ACER3: variants seen among roughly 807,000 people sequenced by gnomAD.
ACER3 encodes the protein alkaline ceramidase 3.
ACER3 carries 16 observed loss-of-function variants against 48.9 expected under a neutral mutation model. That is an observed-to-expected ratio of 0.33 (90% CI 0.22 to 0.50). The LOEUF is 0.50. Ranked by LOEUF, ACER3 falls within the 20% of genes least tolerant of loss-of-function variation. The pLI is 0.98. For synonymous variants in ACER3, 109 were observed against 107.8 expected (o/e 1.01, Z -0.07); for missense variants, 227 against 326.0 (o/e 0.70, Z 2.34).
intron 4 of ACER3, among the ~76,000 whole-genome samples, chr11:76,980,608 T>C (rs1591026312): frequency 6.6e-6 from 1 of 151,982 alleles, no homozygotes; most frequent in Admixed American, 6.6e-5. Flanking sequence ...CCCCAGGAGG[T>C]TGAGGTTGCA....
intron 2 of ACER3, among the ~76,000 whole-genome samples, chr11:76,941,663 T>C (rs1173074805): frequency 1.3e-5 from 2 of 152,066 alleles, no homozygotes; most frequent in African/African-American, 4.8e-5. Context: ...ATATGAACCT[T>C]AGAATAGGTT....
At chr11:76,936,250 G>A (rs1447500927) in intron 2 of ACER3, among the ~76,000 whole-genome samples, 1 of 152,084 alleles carries the variant, frequency 6.6e-6, no homozygotes, top group East Asian at 1.9e-4. Context: ...TTTTTAAAAA[G>A]TACAGAAATA....
intron 3 of ACER3, among the ~76,000 whole-genome samples, chr11:76,962,597 A>T (rs966543658): frequency 2.0e-5 from 3 of 151,502 alleles, no homozygotes; most frequent in Middle Eastern, 3.2e-3. Context: ...GGCTGGGGGA[A>T]GTCCCCAAAC....
intron 1 of ACER3, among the ~76,000 whole-genome samples, chr11:76,900,564 A>G (rs574858859): frequency 1.3e-5 from 2 of 152,140 alleles, no homozygotes; most frequent in Non-Finnish European, 2.9e-5. Context: ...TCATTTTCAT[A>G]ATCCCAGCAC....
At position 77,023,852 on chromosome 11, in the gene ACER3, T is replaced by C. The variant is rs1434531945; in HGVS notation, c.*3525T>C. The C allele has an allele frequency of 6.6e-6, 1 of 152,106 alleles. No homozygotes were observed. The highest frequency in any genetic ancestry group is 1.5e-5 in the Non-Finnish European group (1 of 68,114). 9.4% of individuals were successfully genotyped at this position (152,106 alleles called of 1,614,324 possible). ...ACTTTGGGAGGCCGAGGTGAGCAGATCACAAGGTCAGGAGATCGAGACCAT... is the reference window on the plus strand; with the variant it reads ...ACTTTGGGAGGCCGAGGTGAGCAGACCACAAGGTCAGGAGATCGAGACCAT... On this transcript the variant is annotated 3_prime_UTR_variant, in exon 11 of 11. Transcript: ENST00000532485.
chr11:76,887,740 T>C (rs1017464526), intron 1 of ACER3, among the ~76,000 whole-genome samples: 6 of 151,966 alleles, frequency 3.9e-5, no homozygotes, highest in Non-Finnish European at 5.9e-5. Context: ...AAACTTCTCT[T>C]ACATATCTAG....
At chr11:76,977,013 G>T (rs548350995) in intron 4 of ACER3, among the ~76,000 whole-genome samples, 1 of 152,286 alleles carries the variant, frequency 6.6e-6, no homozygotes, top group South Asian at 2.1e-4. Context: ...ATTAATAAAT[G>T]CTAATATGTA....
At chr11:76,927,904 A>G (rs1349119686) in intron 2 of ACER3, among the ~76,000 whole-genome samples, 1 of 152,172 alleles carries the variant, frequency 6.6e-6, no homozygotes, top group Non-Finnish European at 1.5e-5. Context: ...TATTGTGAAT[A>G]GTGCCGCAAT....
chr11:77,016,123 A>G (rs1401867191), intron 8 of ACER3, among the ~76,000 whole-genome samples: 1 of 151,808 alleles, frequency 6.6e-6, no homozygotes, highest in Non-Finnish European at 1.5e-5. Flanking sequence ...AAAAAAAAAA[A>G]AAAAAATTTG....
chr11:76,961,775 G>T (rs1948000611), intron 3 of ACER3, among the ~76,000 whole-genome samples: 1 of 146,978 alleles, frequency 6.8e-6, no homozygotes, highest in Non-Finnish European at 1.5e-5. Flanking sequence ...GTCCATACTA[G>T]ATAATAAATG....
At chr11:76,928,954 A>G (rs986849179) in intron 2 of ACER3, among the ~76,000 whole-genome samples, 2 of 152,020 alleles carry the variant, frequency 1.3e-5, no homozygotes, top group Non-Finnish European at 2.9e-5. Flanking sequence ...GCTCTTTTTT[A>G]GTTCCATATG....
intron 1 of ACER3, among the ~76,000 whole-genome samples, chr11:76,873,563 T>A (rs937550218): frequency 6.6e-6 from 1 of 152,224 alleles, no homozygotes; most frequent in Non-Finnish European, 1.5e-5. Flanking sequence ...TATTTTCTCT[T>A]AGTACCTTTC....
At chr11:76,900,978 A>G (rs374042120) in intron 1 of ACER3, among the ~76,000 whole-genome samples, 13 of 152,290 alleles carry the variant, frequency 8.5e-5, no homozygotes, top group African/African-American at 2.9e-4. Context: ...ATTTTCTCCA[A>G]CAGGAATCTA....
At chr11:77,007,396 A>G (rs1949176759) in intron 7 of ACER3, among the ~76,000 whole-genome samples, 1 of 152,132 alleles carries the variant, frequency 6.6e-6, no homozygotes, top group Non-Finnish European at 1.5e-5. Flanking sequence ...AGGTACTCGT[A>G]GAAGTCTAGG....
intron 1 of ACER3, among the ~76,000 whole-genome samples, chr11:76,884,566 C>G (rs991852205): frequency 6.6e-6 from 1 of 152,074 alleles, no homozygotes; most frequent in Non-Finnish European, 1.5e-5. Flanking sequence ...ACAGGGGGAG[C>G]ATGTGAAGGT....
At chr11:77,007,251 T>G (rs1949171221) in intron 7 of ACER3, among the ~76,000 whole-genome samples, 1 of 151,764 alleles carries the variant, frequency 6.6e-6, no homozygotes, top group African/African-American at 2.4e-5. Flanking sequence ...AATTTAGAAG[T>G]TTTTTGCCAT....
At chr11:76,928,937 A>T (rs528826773) in intron 2 of ACER3, among the ~76,000 whole-genome samples, 1 of 152,162 alleles carries the variant, frequency 6.6e-6, no homozygotes, top group Non-Finnish European at 1.5e-5. Flanking sequence ...TTGACTTGGC[A>T]ATGCGGGCTC....
chr11:76,874,563 A>G lies in ACER3; in HGVS notation c.103+13484A>G, dbSNP rs531215597. ...ATGATGGTATTTAGTAAATGTGGTT[A>G]ATATCTGTAATCAGTTGACTTTAGG... is the stretch of plus-strand genomic sequence containing the variant. On this transcript the variant is annotated intron_variant, in intron 1 of 10. Coordinates refer to ENST00000532485, the MANE Select transcript of ACER3 (RefSeq NM_018367.7). 2.0e-4 allele frequency among the ~76,000 whole-genome samples: 31 copies of G among 152,348 alleles called. No individual in the cohort carries two copies. In the South Asian group the frequency reaches 6.2e-3, roughly 31 times the overall value.
In ACER3 at chr11:77,022,868, CAAAA is replaced by C; in HGVS notation, c.*2562_*2565del. ...ATGGTGGCAGAGCGAGACTCCGTCT[CAAAA>C]AAAAAAAAAAAAAAAAAAAAGAAAA... is the stretch of plus-strand genomic sequence containing the variant. On this transcript the variant is annotated 3_prime_UTR_variant, in exon 11 of 11. Transcript: ENST00000532485. 1.7e-4 allele frequency: 47 copies of C among 277,912 alleles called. No homozygotes were observed. Among genetic ancestry groups the C allele is most frequent in the East Asian group, 4.6e-4 (8 of 17,278 alleles). The allele number at this position is 277,912 out of a possible 1,614,324, so 17.2% of individuals were successfully genotyped here.
Sources: allele counts gnomAD v4.1 joint callset (sites outside exome capture counted in the v4.1 genomes callset), GRCh38; gene constraint gnomAD v4.1.1; transcripts MANE v1.5; gene names NCBI Gene and HGNC (gene_info 2026-07-23, HGNC 2026-07-21).